Variants in RAD51B observed in about 807,000 individuals in gnomAD.
The protein encoded by RAD51B is DNA repair protein RAD51 homolog 2.
Under a neutral mutation model 42.2 loss-of-function variants are expected in RAD51B, and 38 were observed. The observed-to-expected ratio is 0.90, with a 90% CI of 0.70 to 1.18. The LOEUF (loss-of-function observed/expected upper bound fraction) is 1.18, where lower values mean the gene tolerates loss of function less well. Among genes scored for constraint, RAD51B ranks in the 50% most tolerant of loss-of-function variants. The pLI is 0.00. For synonymous variants in RAD51B, 154 were observed against 145.2 expected, an observed-to-expected ratio of 1.06 and a Z score of -0.43; for missense variants, 373 against 400.7, an observed-to-expected ratio of 0.93 and a Z score of 0.59.
chr14:68,059,740 A>T (rs562455611), intron 7 of RAD51B, among the ~76,000 whole-genome samples: 1 of 152,272 alleles, frequency 6.6e-6, no homozygotes, highest in South Asian at 2.1e-4. Context: ...TTTTAGTTGT[A>T]CATGTCTTTT....
intron 10 of RAD51B, among the ~76,000 whole-genome samples, chr14:68,487,915 A>T (rs980585388): frequency 6.6e-6 from 1 of 152,166 alleles, no homozygotes; most frequent in Admixed American, 6.5e-5. Flanking sequence ...AACACCTACC[A>T]TAACTGTTTT....
At chr14:68,562,253 C>G in intron 10 of RAD51B, 1 of 985,398 alleles carries the variant, frequency 1.0e-6, no homozygotes, top group Non-Finnish European at 1.2e-6. Flanking sequence ...AACCACTCAA[C>G]AGGTGGGGGC....
At chr14:67,890,068 G>T (rs1476466127) in intron 7 of RAD51B, among the ~76,000 whole-genome samples, 2 of 152,108 alleles carry the variant, frequency 1.3e-5, no homozygotes, top group African/African-American at 4.8e-5. Context: ...AGAGATACTG[G>T]ATAAAAGTAA....
At chr14:68,417,070 G>A (rs1450469521) in intron 9 of RAD51B, among the ~76,000 whole-genome samples, 1 of 152,096 alleles carries the variant, frequency 6.6e-6, no homozygotes, top group African/African-American at 2.4e-5. Flanking sequence ...GAAAGATATC[G>A]AGGATGATGT....
At chr14:68,679,850 G>A (rs1893389978) in intron 11 of RAD51B, among the ~76,000 whole-genome samples, 1 of 152,190 alleles carries the variant, frequency 6.6e-6, no homozygotes, top group African/African-American at 2.4e-5. Flanking sequence ...TCTTTCTTCT[G>A]GAATCCCAAG....
At chr14:68,028,112 G>A (rs2075982758) in intron 7 of RAD51B, among the ~76,000 whole-genome samples, 1 of 152,184 alleles carries the variant, frequency 6.6e-6, no homozygotes, top group South Asian at 2.1e-4. Flanking sequence ...TTTTGGTGGT[G>A]TACTTCAGGC....
intron 11 of RAD51B, among the ~76,000 whole-genome samples, chr14:68,657,153 C>T (rs1892833404): frequency 6.6e-6 from 1 of 152,104 alleles, no homozygotes. Context: ...GAAACAGAAC[C>T]TTTACCTAAG....
chr14:67,851,336 G>A (rs1733545928), intron 4 of RAD51B, among the ~76,000 whole-genome samples: 1 of 152,010 alleles, frequency 6.6e-6, no homozygotes. Context: ...TGGGTGAGGG[G>A]CTAAACTCTC....
chr14:68,288,949 A>G (rs1302695452), intron 7 of RAD51B, among the ~76,000 whole-genome samples: 2 of 152,232 alleles, frequency 1.3e-5, no homozygotes, highest in African/African-American at 2.4e-5. Flanking sequence ...GATAAAGCAC[A>G]TAGTATTTTC....
At position 67,909,679 on chromosome 14, in the gene RAD51B, GTTGTT is replaced by G. The variant is rs58034146; in HGVS notation, c.756+22484_756+22488del. Among the ~76,000 whole-genome samples the G allele has an allele frequency of 5.0e-3, 765 of 152,162 alleles. 8 individuals are homozygous for G. The highest frequency in any genetic ancestry group is 0.018 in the African/African-American group (734 of 41,504). On this transcript the variant is annotated intron_variant, in intron 7 of 10. Transcript: ENST00000471583. ...GTAAAAAATTATATACTTTTTTGTT[GTTGTT>G]TTGTTTTGGATTTTTTGAGAGAGGG...
At chr14:68,347,485 C>T (rs889320309) in intron 8 of RAD51B, among the ~76,000 whole-genome samples, 1 of 152,132 alleles carries the variant, frequency 6.6e-6, no homozygotes. Flanking sequence ...AGTTTGAGAC[C>T]AGCCTGAGCG....
At chr14:68,135,479 G>C (rs2077988675) in intron 7 of RAD51B, among the ~76,000 whole-genome samples, 1 of 152,150 alleles carries the variant, frequency 6.6e-6, no homozygotes, top group African/African-American at 2.4e-5. Context: ...TGTCAAGATT[G>C]TGCTGGGTTC....
chr14:68,108,753 C>T (rs548956656), intron 7 of RAD51B, among the ~76,000 whole-genome samples: 7 of 151,662 alleles, frequency 4.6e-5, no homozygotes, highest in East Asian at 1.9e-4. Context: ...TTTAAAAGGG[C>T]GAATTTTATG....
chr14:68,572,505 G>T (rs949582883), intron 10 of RAD51B, among the ~76,000 whole-genome samples: 1 of 152,222 alleles, frequency 6.6e-6, no homozygotes, highest in South Asian at 2.1e-4. Flanking sequence ...TGCTCTCTTG[G>T]CAAAGCCCCT....
At chr14:68,269,549 C>A (rs538223125) in intron 7 of RAD51B, among the ~76,000 whole-genome samples, 214 of 151,946 alleles carry the variant, frequency 1.4e-3, no homozygotes, top group African/African-American at 4.9e-3. Flanking sequence ...AGACAGGACT[C>A]CCCTGACTGT....
chr14:68,016,809 T>C (rs1264419996), intron 7 of RAD51B, among the ~76,000 whole-genome samples: 2 of 152,226 alleles, frequency 1.3e-5, no homozygotes, highest in African/African-American at 4.8e-5. Context: ...AGCAACCTAA[T>C]TGTTTAAAGT....
chr14:68,195,590 T>C lies in RAD51B; in HGVS notation c.757-96294T>C, dbSNP rs17105117. On this transcript the variant is annotated intron_variant, in intron 7 of 10. Coordinates refer to ENST00000471583, the MANE Select transcript of RAD51B (RefSeq NM_133510.4). ...CAGAATAATACGTATCTTTTCTCAG[T>C]ATCATGCATTTTGATATTTTTAAAA... 7.5e-3 allele frequency among the ~76,000 whole-genome samples: 1,136 copies of C among 152,232 alleles called. 14 individuals carry two copies. Among genetic ancestry groups the C allele is most frequent in the African/African-American group, 0.026 (1,099 of 41,536 alleles).
At chr14:68,127,540 G>T (rs369618329) in intron 7 of RAD51B, among the ~76,000 whole-genome samples, 1 of 151,450 alleles carries the variant, frequency 6.6e-6, no homozygotes, top group South Asian at 2.1e-4. Context: ...GGGAAATATA[G>T]GGGCTCATAT....
intron 7 of RAD51B, among the ~76,000 whole-genome samples, chr14:68,060,291 T>C (rs765253691): frequency 7.9e-5 from 12 of 152,202 alleles, no homozygotes; most frequent in Admixed American, 5.2e-4. Flanking sequence ...TTGGATTTTG[T>C]AGTTACCACA....
Sources: gnomAD v4.1 joint callset for allele counts (sites outside exome capture counted in the v4.1 genomes callset) on GRCh38, gnomAD v4.1.1 for gene constraint, MANE v1.5 for transcripts, NCBI Gene and HGNC (gene_info 2026-07-23, HGNC 2026-07-21) for gene names.